The following NOS1AP variants were observed in gnomAD, a reference collection of about 807,000 sequenced individuals.
NOS1AP encodes nitric oxide synthase 1 adaptor protein, also known as carboxyl-terminal PDZ ligand of neuronal nitric oxide synthase protein.
In NOS1AP, 21 loss-of-function variants were observed where a neutral mutation model predicts 56.2. The observed-to-expected ratio is 0.37, with a 90% confidence interval of 0.26 to 0.54. The LOEUF is 0.54. NOS1AP is among the 20% of genes least tolerant of loss of function. NOS1AP has a pLI of 0.84. For missense variants in NOS1AP, 522 were observed against 657.8 expected, an observed-to-expected ratio of 0.79 and a Z score of 2.26; for synonymous variants, 270 against 274.6, an observed-to-expected ratio of 0.98 and a Z score of 0.17.
intron 2 of NOS1AP, among the ~76,000 whole-genome samples, chr1:162,261,763 A>G (rs1021270573): frequency 6.6e-6 from 1 of 152,116 alleles, no homozygotes; most frequent in Non-Finnish European, 1.5e-5. Flanking sequence ...AGTTTGTGTT[A>G]TTTTTAAGCC....
At chr1:162,096,820 T>C (rs898158228) in intron 1 of NOS1AP, among the ~76,000 whole-genome samples, 1 of 152,222 alleles carries the variant, frequency 6.6e-6, no homozygotes, top group Non-Finnish European at 1.5e-5. Context: ...CCACAACTTA[T>C]TTATTCTTCT....
At chr1:162,228,695 T>G (rs751471189) in intron 2 of NOS1AP, among the ~76,000 whole-genome samples, 2 of 152,224 alleles carry the variant, frequency 1.3e-5, no homozygotes, top group Non-Finnish European at 2.9e-5. Flanking sequence ...AGGTTCCTTT[T>G]CTCTACCCCG....
intron 8 of NOS1AP, chr1:162,364,409 A>ATATGTGTGAAC: frequency 1.0e-6 from 1 of 985,444 alleles, no homozygotes; most frequent in Non-Finnish European, 1.2e-6. Context: ...CAAGAATCAC[A>ATATGTGTGAAC]TATGTGTGAA....
intron 1 of NOS1AP, among the ~76,000 whole-genome samples, chr1:162,147,793 T>C (rs1484961787): frequency 6.6e-6 from 1 of 152,136 alleles, no homozygotes; most frequent in Non-Finnish European, 1.5e-5. Context: ...TTCTGTATAG[T>C]TTTTTTCTTT....
intron 2 of NOS1AP, among the ~76,000 whole-genome samples, chr1:162,229,999 A>G (rs1452893572): frequency 6.6e-6 from 1 of 152,206 alleles, no homozygotes; most frequent in African/African-American, 2.4e-5. Context: ...ATGAAAATCA[A>G]CTGCTAAGAT....
intron 2 of NOS1AP, among the ~76,000 whole-genome samples, chr1:162,220,123 A>G (rs1652720528): frequency 6.6e-6 from 1 of 152,136 alleles, no homozygotes; most frequent in Admixed American, 6.5e-5. Context: ...GTAGAGATAG[A>G]GTCCAACTAT....
At chr1:162,288,932 C>T (rs1655172161) in intron 3 of NOS1AP, among the ~76,000 whole-genome samples, 1 of 152,144 alleles carries the variant, frequency 6.6e-6, no homozygotes, top group Non-Finnish European at 1.5e-5. Context: ...AGTCACGGGA[C>T]AGTCTTTAGA....
intron 4 of NOS1AP, among the ~76,000 whole-genome samples, chr1:162,323,346 T>G (rs187989960): frequency 6.6e-6 from 1 of 152,354 alleles, no homozygotes; most frequent in East Asian, 1.9e-4. Context: ...ATTTTTGACT[T>G]CTGGCCTCCT....
chr1:162,085,391 A>G (rs911565736), intron 1 of NOS1AP, among the ~76,000 whole-genome samples: 1 of 152,182 alleles, frequency 6.6e-6, no homozygotes, highest in Non-Finnish European at 1.5e-5. Flanking sequence ...ATCAAATCAA[A>G]TCAAGCAGGA....
intron 2 of NOS1AP, among the ~76,000 whole-genome samples, chr1:162,197,562 T>C (rs1651849639): frequency 6.6e-6 from 1 of 152,184 alleles, no homozygotes; most frequent in Non-Finnish European, 1.5e-5. Context: ...GCAAGTGAAG[T>C]GCTTTTCAGT....
intron 2 of NOS1AP, among the ~76,000 whole-genome samples, chr1:162,167,663 A>G (rs928590317): frequency 6.6e-6 from 1 of 152,194 alleles, no homozygotes; most frequent in Non-Finnish European, 1.5e-5. Flanking sequence ...CAGCCCTGCT[A>G]TCTGAGGGGG....
intron 2 of NOS1AP, among the ~76,000 whole-genome samples, chr1:162,206,153 G>A (rs1571126418): frequency 1.3e-5 from 2 of 152,244 alleles, no homozygotes; most frequent in East Asian, 3.9e-4. Flanking sequence ...TGTGGAGCAG[G>A]GAGTAATGTT....
intron 2 of NOS1AP, among the ~76,000 whole-genome samples, chr1:162,260,566 A>G (rs4131505): frequency 0.26 from 40,142 of 152,168 alleles, 5,486 homozygotes; most frequent in East Asian, 0.4. Context: ...TGACTAACAC[A>G]TACAAGTTGT....
Position 162,069,958 on chromosome 1 carries a change from A to G in NOS1AP, c.-220A>G. 1 of 255,516 alleles carries G rather than the reference A, an allele frequency of 3.9e-6. No individual in the cohort carries two copies. The allele number at this position is 255,516 out of a possible 1,614,324, so 15.8% of individuals were successfully genotyped here. Reference sequence around the variant, plus strand: ...CCTAGCCGGCAGGAATTGCGCGACCACAGCGCCGCTCGCGTCGCCCGCATC... The same window carrying G: ...CCTAGCCGGCAGGAATTGCGCGACCGCAGCGCCGCTCGCGTCGCCCGCATC... On this transcript the variant is annotated 5_prime_UTR_variant, in exon 1 of 10. Coordinates refer to ENST00000361897, the MANE Select transcript of NOS1AP (RefSeq NM_014697.3).
At chr1:162,186,829 G>A (rs535568038) in intron 2 of NOS1AP, among the ~76,000 whole-genome samples, 9 of 152,290 alleles carry the variant, frequency 5.9e-5, no homozygotes, top group African/African-American at 1.4e-4. Flanking sequence ...TGACACTTTC[G>A]TTATAGCAAC....
At chr1:162,077,459 T>A (rs1231669289) in intron 1 of NOS1AP, among the ~76,000 whole-genome samples, 1 of 152,224 alleles carries the variant, frequency 6.6e-6, no homozygotes, top group Non-Finnish European at 1.5e-5. Context: ...TTGGCTTTTT[T>A]ACTATTGAGT....
rs1011364936 is a variant in NOS1AP, at chr1:162,158,037, CTA to C, written c.177+3563_177+3564del. Reference sequence around the variant, plus strand: ...GGTAAATGTGTAACATTAAATTTAACTATTTTTAAGTGTGAAGTTCAGCAGTG... The same window carrying C: ...GGTAAATGTGTAACATTAAATTTAACTTTTTAAGTGTGAAGTTCAGCAGTG... On this transcript the variant is annotated intron_variant, in intron 2 of 9. Transcript: ENST00000361897. 5.9e-5 allele frequency among the ~76,000 whole-genome samples: 9 copies of C among 152,274 alleles called. 2 individuals are homozygous for C. The highest frequency in any genetic ancestry group is 2.2e-4 in the African/African-American group (9 of 41,536).
intron 1 of NOS1AP, among the ~76,000 whole-genome samples, chr1:162,084,395 A>C (rs900426419): frequency 1.3e-5 from 2 of 152,182 alleles, no homozygotes; most frequent in African/African-American, 4.8e-5. Context: ...TGGAAAGGGC[A>C]GGGGCAACTC....
At chr1:162,319,254 C>T (rs1389768007) in intron 4 of NOS1AP, among the ~76,000 whole-genome samples, 9 of 152,196 alleles carry the variant, frequency 5.9e-5, no homozygotes, top group Non-Finnish European at 4.4e-5. Context: ...GAGTCCGGTT[C>T]TTCTGACAGC....
Sources: gnomAD v4.1 joint callset for allele counts (sites outside exome capture counted in the v4.1 genomes callset) on GRCh38, gnomAD v4.1.1 for gene constraint, MANE v1.5 for transcripts, NCBI Gene and HGNC (gene_info 2026-07-23, HGNC 2026-07-21) for gene names.